Variants in SLC36A1 observed in about 807,000 individuals in gnomAD.
SLC36A1 encodes the protein proton-coupled amino acid transporter 1.
A neutral mutation model predicts 47.5 loss-of-function variants in SLC36A1; 30 were observed. The observed-to-expected ratio is 0.63, with a 90% CI of 0.47 to 0.86. The LOEUF is 0.86. SLC36A1 is among the 40% of genes least tolerant of loss of function. SLC36A1 has a pLI of 0.00. For synonymous variants in SLC36A1, 255 were observed against 249.7 expected (o/e 1.02, Z -0.20); for missense variants, 517 against 606.0 (o/e 0.85, Z 1.54).
At chr5:151,444,447 T>C (rs900089886), upstream of SLC36A1, among the ~76,000 whole-genome samples, 1 of 152,240 alleles carries the variant, frequency 6.6e-6, no homozygotes, top group Non-Finnish European at 1.5e-5. Context: ...TTCTCTTTAT[T>C]TCTTTTTTAG....
chr5:151,523,692 G>A, the SLC36A1 span, among the ~76,000 whole-genome samples: 4 of 152,104 alleles, frequency 2.6e-5, no homozygotes, highest in Non-Finnish European at 5.9e-5. Flanking sequence ...CTCTCCCTAG[G>A]CAATCACATC....
the SLC36A1 span, among the ~76,000 whole-genome samples, chr5:151,408,759 T>A: frequency 6.6e-6 from 1 of 152,152 alleles, no homozygotes; most frequent in East Asian, 1.9e-4. Flanking sequence ...GACTGACAGC[T>A]GGAGAACAAT....
chr5:151,467,560 T>A (rs357620), intron 6 of SLC36A1, 147 bp from the exon 7 acceptor site: 273,774 of 688,726 alleles, frequency 0.4, 55,765 homozygotes, highest in East Asian at 0.53. Flanking sequence ...AGTCGTGAAG[T>A]TCTCTAAAGA....
intron 7 of SLC36A1, 124 bp from the exon 8 acceptor site, chr5:151,473,549 C>T: frequency 1.5e-6 from 1 of 665,972 alleles, no homozygotes; most frequent in Non-Finnish European, 2.7e-6. Context: ...AGGTATTAGA[C>T]TTTCTTCCTT....
the SLC36A1 span, among the ~76,000 whole-genome samples, chr5:151,358,361 T>A: frequency 1.1e-4 from 16 of 152,126 alleles, no homozygotes; most frequent in East Asian, 3.1e-3. Flanking sequence ...AGCCTTGAAC[T>A]CCTGGGCTCA....
In SLC36A1 at chr5:151,473,709, C is replaced by T; in HGVS notation, c.760C>T (p.Pro254Ser). The T allele has an allele frequency of 6.2e-7, 1 of 1,613,988 alleles. No individual in the cohort carries two copies. The highest frequency in any genetic ancestry group is 8.5e-7 in the Non-Finnish European group (1 of 1,179,910). Residue 254 changes from proline to serine, a missense_variant, in exon 8 of 11, where the codon CCT becomes TCT. Pro to Ser is a moderately conservative substitution (Grantham distance 74). Transcript: ENST00000243389. Reference sequence around the variant, plus strand: ...CCCCAGCCACCTCCCCTTGGTGGCCCCTTGGAAGACCTACCCTCTCTTCTT... The same window carrying T: ...CCCCAGCCACCTCCCCTTGGTGGCCTCTTGGAAGACCTACCCTCTCTTCTT... ...PDPSHLPLVA[P>S]WKTYPLFFGT...
intron 1 of SLC36A1, among the ~76,000 whole-genome samples, chr5:151,438,164 C>T (rs6861968): frequency 0.46 from 70,583 of 151,932 alleles, 17,454 homozygotes; most frequent in African/African-American, 0.65. Flanking sequence ...GGAGCTGTTA[C>T]TCTGCCTACC....
At chr5:151,449,830 G>A (rs1753357572) in intron 1 of SLC36A1, among the ~76,000 whole-genome samples, 1 of 152,238 alleles carries the variant, frequency 6.6e-6, no homozygotes. Flanking sequence ...TGGGTAGAGG[G>A]TTGGACTAGA....
At chr5:151,519,342 T>TCAAAAA in the SLC36A1 span, among the ~76,000 whole-genome samples, 1 of 152,150 alleles carries the variant, frequency 6.6e-6, no homozygotes, top group Non-Finnish European at 1.5e-5. Context: ...AGACTTCATC[T>TCAAAAA]CAAAAACAAA....
At chr5:151,463,672 G>A (rs1244694031) in intron 3 of SLC36A1, 29 bp downstream of exon 3, 1 of 1,573,950 alleles carries the variant, frequency 6.4e-7, no homozygotes, top group Admixed American at 1.7e-5. Flanking sequence ...GGAGAGGAGT[G>A]GTGACAAATT....
the SLC36A1 span, chr5:151,521,733 C>G: frequency 6.2e-7 from 1 of 1,614,016 alleles, no homozygotes; most frequent in Non-Finnish European, 8.5e-7. Flanking sequence ...GCCCCACATG[C>G]CACACGTACA....
the SLC36A1 span, among the ~76,000 whole-genome samples, chr5:151,539,388 A>G: frequency 7.2e-5 from 11 of 152,344 alleles, no homozygotes; most frequent in Admixed American, 5.9e-4. Context: ...ATATATGCAA[A>G]TGCATATGTA....
downstream of SLC36A1, among the ~76,000 whole-genome samples, chr5:151,494,603 T>C (rs1256427374): frequency 1.3e-5 from 2 of 152,258 alleles, no homozygotes; most frequent in Non-Finnish European, 2.9e-5. Flanking sequence ...ATCCTTTTTA[T>C]ATTCCTCCAT....
At chr5:151,369,679 G>A in the SLC36A1 span, among the ~76,000 whole-genome samples, 51 of 152,284 alleles carry the variant, frequency 3.3e-4, no homozygotes, top group East Asian at 9.3e-3. Context: ...ACAGGGTCTC[G>A]CTATATTGCC....
chr5:151,408,476 C>T, the SLC36A1 span, among the ~76,000 whole-genome samples: 4 of 152,168 alleles, frequency 2.6e-5, no homozygotes, highest in East Asian at 5.8e-4. Context: ...CGTGAACCAC[C>T]GTGCCTGGCC....
At chr5:151,414,636 G>A in the SLC36A1 span, 1 of 152,208 alleles carries the variant, frequency 6.6e-6, no homozygotes, top group South Asian at 2.1e-4. Context: ...TAAAACTCAA[G>A]CTGGGCTATC....
the SLC36A1 span, among the ~76,000 whole-genome samples, chr5:151,540,009 G>T: frequency 6.6e-6 from 1 of 152,246 alleles, no homozygotes; most frequent in African/African-American, 2.4e-5. Flanking sequence ...GTTTGTCTGG[G>T]GTCAGGTCTC....
chr5:151,462,139 G>GA (rs1017864765), intron 2 of SLC36A1, among the ~76,000 whole-genome samples: 27 of 151,434 alleles, frequency 1.8e-4, no homozygotes, highest in Admixed American at 9.9e-4. Context: ...GCAAAATTAG[G>GA]AAAAAAAACC....
At chr5:151,392,656 T>G in the SLC36A1 span, among the ~76,000 whole-genome samples, 1 of 152,238 alleles carries the variant, frequency 6.6e-6, no homozygotes, top group Non-Finnish European at 1.5e-5. Flanking sequence ...CATTTCGTTA[T>G]GTACCCAGTA....
Sources: gnomAD v4.1 joint callset for allele counts (sites outside exome capture counted in the v4.1 genomes callset) on GRCh38, gnomAD v4.1.1 for gene constraint, MANE v1.5 for transcripts, NCBI Gene and HGNC (gene_info 2026-07-23, HGNC 2026-07-21) for gene names.